The following TAF5 variants were observed in gnomAD, a reference collection of about 807,000 sequenced individuals.
TAF5 encodes the protein transcription initiation factor TFIID subunit 5.
A neutral mutation model predicts 80.9 loss-of-function variants in TAF5; 20 were observed. The observed-to-expected ratio is 0.25, with a 90% confidence interval of 0.17 to 0.36. The LOEUF is 0.36. Ranked by LOEUF, TAF5 falls within the 10% of genes least tolerant of loss-of-function variation. TAF5 has a pLI of 1.00. For missense variants in TAF5, 863 were observed against 1,029.4 expected (o/e 0.84, Z 2.21); for synonymous variants, 388 against 406.4 (o/e 0.95, Z 0.55).
chr10:103,382,021 T>C (rs1004189530), intron 6 of TAF5, among the ~76,000 whole-genome samples, 180 bp downstream of exon 6: 15 of 152,136 alleles, frequency 9.9e-5, no homozygotes, highest in African/African-American at 3.6e-4. Context: ...GCTAGACTGG[T>C]TTAATTTCTT....
chr10:103,383,396 C>T (rs377022068), intron 7 of TAF5, 29 bp downstream of exon 7: 6 of 1,559,268 alleles, frequency 3.8e-6, no homozygotes, highest in Non-Finnish European at 5.2e-6. Flanking sequence ...AAATTAAATA[C>T]TGCTATGTTA....
chr10:103,368,538 T>A lies in TAF5; in HGVS notation c.549T>A (p.Ala183=). The change falls in exon 1 of 11, where the codon GCT becomes GCA. Residue 183 remains alanine, a synonymous_variant. Transcript: ENST00000369839. ...CAGGTTCAGCCTCAGGTCCTGCGGC[T>A]CCGGGTAAAGGTGAGCCGTGGGGTC... ...VVSGSASGPA[A]PGKVGSVAVE... 5.9e-6 allele frequency: 9 copies of A among 1,530,632 alleles called. No homozygotes were observed. The Admixed American group carries it at 1.4e-4, about 24-fold the overall frequency. The allele number at this position is 1,530,632 out of a possible 1,614,324, so 94.8% of individuals were successfully genotyped here.
At chr10:103,385,512 G>A (rs377178870) in intron 8 of TAF5, 22 bp downstream of exon 8, 57 of 1,611,538 alleles carry the variant, frequency 3.5e-5, no homozygotes, top group Admixed American at 3.2e-4. Context: ...GTGATCTTAT[G>A]ACTGGGTCTA....
chr10:103,387,302 C>G lies in TAF5; in HGVS notation c.1957C>G (p.Leu653Val). The change falls in exon 9 of 11, where the codon CTC becomes GTC. Residue 653 changes from leucine (L) to valine (V), a missense_variant. Leu to Val is a conservative substitution (Grantham distance 32, BLOSUM62 1). Transcript: ENST00000369839. ...GGGCTCTGCAGACAGAACTGTGCGG[C>G]TCTGGGACGTCCTGAATGGTAACTG... ...ATGSADRTVR[L>V]WDVLNGNCVR... 1 of 1,614,128 alleles carries G rather than the reference C, an allele frequency of 6.2e-7. No homozygotes were observed. Among genetic ancestry groups the G allele is most frequent in the South Asian group, 1.1e-5 (1 of 91,082 alleles).
Position 103,387,178 on chromosome 10 carries a change from C to T in TAF5, c.1833C>T (p.Leu611=). ...GCTTTCAATAACTTTATAAAAGGCT[C>T]TGGGCTACAGACCACTATCAGCCTT... The part of the protein sequence containing the change: ...VSGGHDRVAR[L]WATDHYQPLR... The change falls in exon 9 of 11, where the codon CTC becomes CTT. Residue 611 remains leucine (L), a synonymous_variant. Coordinates refer to ENST00000369839, the MANE Select transcript of TAF5 (RefSeq NM_006951.5). 2 of 1,609,866 alleles carry T rather than the reference C, an allele frequency of 1.2e-6. No individual in the cohort carries two copies. Among genetic ancestry groups the T allele is most frequent in the Non-Finnish European group, 1.7e-6 (2 of 1,177,594 alleles).
At chr10:103,371,030 C>G (rs1487255598) in intron 1 of TAF5, among the ~76,000 whole-genome samples, 1 of 152,106 alleles carries the variant, frequency 6.6e-6, no homozygotes, top group Non-Finnish European at 1.5e-5. Context: ...CACTTGAGGT[C>G]AGGAGATCAA....
In TAF5 at chr10:103,374,652, T is replaced by G. The variant is rs1364246690; in HGVS notation, c.797+1057T>G. 6.6e-6 allele frequency among the ~76,000 whole-genome samples: 1 copy of G among 152,136 alleles called. No homozygotes were observed. Among genetic ancestry groups the G allele is most frequent in the African/African-American group, 2.4e-5 (1 of 41,424 alleles). On this transcript the variant is annotated intron_variant, in intron 2 of 10. Transcript: ENST00000369839. This position sits in a 1 kb window ranked among gnomAD's most constrained non-coding sequence, Gnocchi z 4.3. The stretch of plus-strand genomic sequence containing the variant: ...AGAGCGAAGCCTTTTTGCTACAGAG[T>G]CATTTCTGCTACAGAGTCATTAAAG...
At chr10:103,387,443 C>G in intron 9 of TAF5, 78 bp from the exon 10 acceptor site, 1 of 1,543,704 alleles carries the variant, frequency 6.5e-7, no homozygotes, top group Non-Finnish European at 8.7e-7. Context: ...TTAAAGATAC[C>G]ATTCTTACTA....
At position 103,368,035 on chromosome 10, in the gene TAF5, G is replaced by T; in HGVS notation, c.46G>T (p.Glu16Ter). ...GCAGACGGAGGTGGCGGTCAAGCTA[G>T]AGCCTGAGGGACCGCCAACGCTGCT... The part of the protein sequence containing the change: ...EEQTEVAVKL[E>*]PEGPPTLLPP... The change falls in exon 1 of 11, where the codon GAG (glutamate) becomes TAG (stop). Residue 16 changes from glutamate (E) to a stop codon, truncating the protein, a stop_gained. Coordinates refer to ENST00000369839, the MANE Select transcript of TAF5 (RefSeq NM_006951.5). LOFTEE classifies it high-confidence loss of function. The T allele has an allele frequency of 6.9e-7, 1 of 1,456,358 alleles. No homozygotes were observed. The allele number at this position is 1,456,358 out of a possible 1,614,324, so 90.2% of individuals were successfully genotyped here.
intron 4 of TAF5, 34 bp downstream of exon 4, chr10:103,379,805 G>A (rs374682989): frequency 1.3e-6 from 2 of 1,593,898 alleles, no homozygotes; most frequent in African/African-American, 2.7e-5. Context: ...TGTGTGTGGA[G>A]GTATAAGACA....
In TAF5 at chr10:103,388,131, G is replaced by A; in HGVS notation, c.2311G>A (p.Gly771Arg). The A allele has an allele frequency of 6.2e-7, 1 of 1,613,972 alleles. No individual in the cohort carries two copies. The highest frequency in any genetic ancestry group is 8.5e-7 in the Non-Finnish European group (1 of 1,179,950). ...TGAGAATTCACAGGAGTTATTGTTG[G>A]GAACATATATGACCAAATCAACACC... ...LPENSQELLL[G>R]TYMTKSTPVV... The change falls in exon 11 of 11, where the codon GGA (glycine) becomes AGA (arginine). Residue 771 changes from glycine to arginine, a missense_variant. Gly to Arg is a moderately radical substitution (Grantham distance 125). Transcript: ENST00000369839.
Position 103,378,442 on chromosome 10 carries a change from G to T in TAF5, c.1005G>T (p.Glu335Asp), listed in dbSNP as rs2133629585. Residue 335 changes from glutamate (E) to aspartate (D), a missense_variant, in exon 3 of 11, where the codon GAG becomes GAT. Coordinates refer to ENST00000369839, the MANE Select transcript of TAF5 (RefSeq NM_006951.5). This position sits in a 1 kb window ranked among gnomAD's most constrained non-coding sequence, Gnocchi z 4.1. Reference protein sequence around the residue: ...QNNQIWNIVQEHLYIDIFDGM... With the variant: ...QNNQIWNIVQDHLYIDIFDGM... ...ATCAGATATGGAACATAGTTCAGGAGCACCTCTACATTGACATCTTTGATG... is the reference window on the plus strand; with the variant it reads ...ATCAGATATGGAACATAGTTCAGGATCACCTCTACATTGACATCTTTGATG... 1 of 1,614,188 alleles carries T rather than the reference G, an allele frequency of 6.2e-7. No homozygotes were observed. Among genetic ancestry groups the T allele is most frequent in the Non-Finnish European group, 8.5e-7 (1 of 1,180,042 alleles).
chr10:103,369,555 G>T (rs1300147652), intron 1 of TAF5, among the ~76,000 whole-genome samples: 4 of 151,744 alleles, frequency 2.6e-5, no homozygotes, highest in Non-Finnish European at 4.4e-5. Flanking sequence ...AGTAGAGATG[G>T]GGTTTCGCCA....
At chr10:103,385,628 C>A in intron 8 of TAF5, 138 bp downstream of exon 8, 1 of 1,072,244 alleles carries the variant, frequency 9.3e-7, no homozygotes. Context: ...GCATTTATAA[C>A]TTATTTGAAA....
chr10:103,381,327 C>T (rs1391349402), intron 5 of TAF5, among the ~76,000 whole-genome samples: 5 of 151,068 alleles, frequency 3.3e-5, no homozygotes, highest in Non-Finnish European at 5.9e-5. Flanking sequence ...AGTGCAGTGG[C>T]ACGATTTTGG....
intron 1 of TAF5, among the ~76,000 whole-genome samples, chr10:103,371,220 G>A (rs1462887248): frequency 1.3e-5 from 2 of 150,328 alleles, no homozygotes; most frequent in Non-Finnish European, 2.9e-5. Flanking sequence ...TCTGGCACGG[G>A]TGACAGAGCA....
chr10:103,386,255 A>G (rs1186999231), intron 8 of TAF5, among the ~76,000 whole-genome samples: 2 of 151,920 alleles, frequency 1.3e-5, no homozygotes, highest in African/African-American at 2.4e-5. Context: ...CCTGGCCAAC[A>G]TGACGAAACC....
Position 103,387,318 on chromosome 10 carries a change from A to G in TAF5, c.1973A>G (p.Asn658Ser), listed in dbSNP as rs1414269839. The change falls in exon 9 of 11, where the codon AAT becomes AGT. Residue 658 changes from asparagine (N) to serine (S), a missense_variant. Asn to Ser is a conservative substitution (Grantham distance 46). Transcript: ENST00000369839. ...ACTGTGCGGCTCTGGGACGTCCTGAATGGTAACTGTGTAAGGATCTTCACT... is the reference window on the plus strand; with the variant it reads ...ACTGTGCGGCTCTGGGACGTCCTGAGTGGTAACTGTGTAAGGATCTTCACT... ...DRTVRLWDVLNGNCVRIFTGH... is the reference protein window; with the variant it reads ...DRTVRLWDVLSGNCVRIFTGH... The G allele has an allele frequency of 1.9e-6, 3 of 1,614,108 alleles. No homozygotes were observed. Among genetic ancestry groups the G allele is most frequent in the African/African-American group, 1.3e-5 (1 of 75,028 alleles).
rs1252663436 is a variant in TAF5, at chr10:103,379,737, A to C, written c.1243A>C (p.Lys415Gln). 1.9e-6 allele frequency: 3 copies of C among 1,599,260 alleles called. No individual in the cohort carries two copies. In the African/African-American group the frequency reaches 4.1e-5, roughly 22 times the overall value. ...PKKDSIGSKS[K>Q]KQDPNAPPQN... ...AAAAGATAGTATTGGATCCAAAAGCAAAAAACAAGATCCCAATGCTCCACC... is the reference window on the plus strand; with the variant it reads ...AAAAGATAGTATTGGATCCAAAAGCCAAAAACAAGATCCCAATGCTCCACC... The change falls in exon 4 of 11, where the codon AAA (lysine) becomes CAA (glutamine). Residue 415 changes from lysine (K) to glutamine (Q), a missense_variant. Physicochemically the swap from Lys to Gln is moderately conservative, Grantham distance 53 (BLOSUM62 1). Transcript: ENST00000369839.
Sources: gnomAD v4.1 joint callset for allele counts (sites outside exome capture counted in the v4.1 genomes callset) on GRCh38, gnomAD v4.1.1 for gene constraint, Gnocchi (gnomAD v3.1) non-coding constraint, MANE v1.5 for transcripts, NCBI Gene and HGNC (gene_info 2026-07-23, HGNC 2026-07-21) for gene names.